The following ENTREP2 variants were observed in gnomAD, a reference collection of about 807,000 sequenced individuals.
The protein encoded by ENTREP2 is endosomal transmembrane epsin interactor 2.
the ENTREP2 span, among the ~76,000 whole-genome samples, chr15:29,445,097 T>C: frequency 1.3e-5 from 2 of 152,308 alleles, no homozygotes; most frequent in East Asian, 1.9e-4. Context: ...AATTCCTATG[T>C]TGAAATCCTA....
the ENTREP2 span, among the ~76,000 whole-genome samples, chr15:29,379,813 C>T: frequency 1.1e-4 from 17 of 152,052 alleles, no homozygotes; most frequent in Non-Finnish European, 1.6e-4. Context: ...GGGTGATGGA[C>T]GTCATTTCTC....
chr15:29,589,512 C>T, the ENTREP2 span, among the ~76,000 whole-genome samples: 1 of 152,150 alleles, frequency 6.6e-6, no homozygotes, highest in Non-Finnish European at 1.5e-5. Context: ...CTTCATTCGT[C>T]ACGGAGAAGG....
At chr15:29,304,188 G>A in the ENTREP2 span, among the ~76,000 whole-genome samples, 24,713 of 151,974 alleles carry the variant, frequency 0.16, 3,374 homozygotes, top group African/African-American at 0.38. Flanking sequence ...CGGCTGTATG[G>A]CATTTTCTTT....
chr15:29,124,583 G>C, the ENTREP2 span: 3 of 929,934 alleles, frequency 3.2e-6, no homozygotes, highest in Middle Eastern at 3.0e-4. Context: ...CCCGGGGGTG[G>C]GGTGAGGAGC....
the ENTREP2 span, among the ~76,000 whole-genome samples, chr15:29,602,400 C>T: frequency 6.6e-6 from 1 of 152,178 alleles, no homozygotes; most frequent in East Asian, 1.9e-4. Flanking sequence ...ATTTTTCAGA[C>T]ACTCTCTCTT....
chr15:29,631,227 C>T, the ENTREP2 span, among the ~76,000 whole-genome samples: 26 of 152,278 alleles, frequency 1.7e-4, no homozygotes, highest in African/African-American at 6.0e-4. Flanking sequence ...AAATCTTCAT[C>T]AGCAAATTTC....
the ENTREP2 span, among the ~76,000 whole-genome samples, chr15:29,158,805 TGTTATAAA>T: frequency 3.3e-5 from 5 of 151,922 alleles, no homozygotes; most frequent in Non-Finnish European, 7.3e-5. Flanking sequence ...ATGTTATTAA[TGTTATAAA>T]GTTAAGGAAG....
the ENTREP2 span, among the ~76,000 whole-genome samples, chr15:29,278,362 G>A: frequency 6.6e-6 from 1 of 152,220 alleles, no homozygotes; most frequent in Non-Finnish European, 1.5e-5. Flanking sequence ...TGGGGTCTGT[G>A]CTGGCAGAAG....
At chr15:29,454,071 C>T in the ENTREP2 span, among the ~76,000 whole-genome samples, 2 of 152,182 alleles carry the variant, frequency 1.3e-5, no homozygotes, top group Non-Finnish European at 2.9e-5. Context: ...ACATTTCCTC[C>T]ACTGGAGTAT....
the ENTREP2 span, among the ~76,000 whole-genome samples, chr15:29,625,886 G>A: frequency 0.15 from 22,794 of 151,170 alleles, 2,218 homozygotes; most frequent in African/African-American, 0.27. Flanking sequence ...TTTGCTCTGT[G>A]CCCAGGCTGG....
chr15:29,656,387 G>A, the ENTREP2 span, among the ~76,000 whole-genome samples: 1 of 151,934 alleles, frequency 6.6e-6, no homozygotes, highest in Admixed American at 6.6e-5. Flanking sequence ...CACCACAGCC[G>A]GGTAGTTTTT....
the ENTREP2 span, among the ~76,000 whole-genome samples, chr15:29,355,877 G>A: frequency 3.4e-3 from 521 of 152,272 alleles, 2 homozygotes; most frequent in Non-Finnish European, 3.5e-3. Context: ...GGGGTCCCAC[G>A]AAGAGGAGGC....
the ENTREP2 span, among the ~76,000 whole-genome samples, chr15:29,145,197 A>G: frequency 6.6e-6 from 1 of 152,260 alleles, no homozygotes; most frequent in East Asian, 1.9e-4. Context: ...CGCAAATGCA[A>G]GGTTGGCTTA....
At chr15:29,130,670 T>G in the ENTREP2 span, among the ~76,000 whole-genome samples, 1 of 152,166 alleles carries the variant, frequency 6.6e-6, no homozygotes, top group African/African-American at 2.4e-5. Flanking sequence ...CCCGGTCAGA[T>G]TTGGTTTCCA....
the ENTREP2 span, among the ~76,000 whole-genome samples, chr15:29,615,419 G>A: frequency 2.7e-3 from 416 of 152,246 alleles, 1 homozygote; most frequent in Non-Finnish European, 5.0e-3. Context: ...GCCTCCCAAA[G>A]TGCTGGGATT....
the ENTREP2 span, among the ~76,000 whole-genome samples, chr15:29,231,059 G>C: frequency 6.6e-6 from 1 of 151,928 alleles, no homozygotes; most frequent in Non-Finnish European, 1.5e-5. Context: ...TTATCTTTAG[G>C]TAATGTGAGC....
the ENTREP2 span, among the ~76,000 whole-genome samples, chr15:29,165,128 C>A: frequency 1.3e-5 from 2 of 152,030 alleles, no homozygotes; most frequent in Admixed American, 1.3e-4. Flanking sequence ...AACTGAACGA[C>A]AATAATGACA....
chr15:29,482,427 TAAC>T, the ENTREP2 span, among the ~76,000 whole-genome samples: 1 of 152,194 alleles, frequency 6.6e-6, no homozygotes, highest in Non-Finnish European at 1.5e-5. Context: ...GACAAATGTA[TAAC>T]AACGTGTATC....
At chr15:29,208,486 A>G in the ENTREP2 span, among the ~76,000 whole-genome samples, 1 of 152,260 alleles carries the variant, frequency 6.6e-6, no homozygotes, top group African/African-American at 2.4e-5. Context: ...AGGGGAAGCA[A>G]TTCTCTCTGT....
Sources: allele counts gnomAD v4.1 joint callset (sites outside exome capture counted in the v4.1 genomes callset), GRCh38; gene constraint gnomAD v4.1.1; transcripts MANE v1.5; gene names NCBI Gene and HGNC (gene_info 2026-07-23, HGNC 2026-07-21).